PRKG1: variants seen among roughly 807,000 people sequenced by gnomAD.
PRKG1 encodes the protein protein kinase cGMP-dependent 1.
PRKG1 carries 35 observed loss-of-function variants against 88.1 expected under a neutral mutation model. That is an observed-to-expected ratio of 0.40 (90% CI 0.30 to 0.53). PRKG1 has a LOEUF of 0.53. Among genes scored for constraint, PRKG1 ranks in the 20% least tolerant of loss-of-function variants. The pLI is 0.59. For synonymous variants in PRKG1, 303 were observed against 292.5 expected, an observed-to-expected ratio of 1.04 and a Z score of -0.37; for missense variants, 540 against 839.8, an observed-to-expected ratio of 0.64 and a Z score of 4.41.
At chr10:51,417,941 G>T (rs545596721) in intron 2 of PRKG1, among the ~76,000 whole-genome samples, 37 of 152,222 alleles carry the variant, frequency 2.4e-4, no homozygotes, top group Middle Eastern at 3.4e-3. Flanking sequence ...ATGGAACATG[G>T]CAAAGCCCTA....
chr10:51,490,893 T>C (rs1489262691), intron 3 of PRKG1, among the ~76,000 whole-genome samples: 1 of 152,056 alleles, frequency 6.6e-6, no homozygotes, highest in Non-Finnish European at 1.5e-5. Flanking sequence ...ATGGAAATAA[T>C]TTGAGATGCA....
intron 5 of PRKG1, among the ~76,000 whole-genome samples, chr10:51,966,688 G>T (rs2133081082): frequency 6.6e-6 from 1 of 152,200 alleles, no homozygotes; most frequent in Admixed American, 6.5e-5. Flanking sequence ...ATTCTATAGG[G>T]CTCTCTTCAC....
chr10:51,035,837 TTA>T (rs1298520563), intron 1 of PRKG1, among the ~76,000 whole-genome samples: 42 of 152,334 alleles, frequency 2.8e-4, no homozygotes, highest in African/African-American at 9.9e-4. Flanking sequence ...TAACATTCTC[TTA>T]TATGTCTTTC....
In PRKG1 at chr10:51,452,627, C is replaced by A. The variant is rs556163108; in HGVS notation, c.479-15096C>A. On this transcript the variant is annotated intron_variant, in intron 2 of 17. Transcript: ENST00000373980. ...TGCGTATGTGAAACCATCACTGCAT[C>A]CCTGGTATAAAACCCACTTGATCAT... is the stretch of plus-strand genomic sequence containing the variant. Among the ~76,000 whole-genome samples, 20 of 152,058 alleles carry A rather than the reference C, an allele frequency of 1.3e-4. No individual in the cohort carries two copies. The South Asian group carries it at 4.1e-3, about 32-fold the overall frequency.
intron 3 of PRKG1, among the ~76,000 whole-genome samples, chr10:51,480,685 A>G (rs1840329715): frequency 6.6e-6 from 1 of 152,158 alleles, no homozygotes; most frequent in Admixed American, 6.6e-5. Flanking sequence ...TATAAAACAC[A>G]TTTTATTTTT....
Position 51,900,541 on chromosome 10 carries a change from A to C in PRKG1, c.699-6966A>C, listed in dbSNP as rs186680129. On this transcript the variant is annotated intron_variant, in intron 4 of 17. Transcript: ENST00000373980. ...TATGCAAAATTTCCAACATAAAAAA[A>C]TCATATTTCTTAATGTCATATTTCT... Among the ~76,000 whole-genome samples the C allele has an allele frequency of 6.4e-3, 973 of 152,332 alleles. 11 individuals carry two copies. Among genetic ancestry groups the C allele is most frequent in the South Asian group, 0.02 (97 of 4,830 alleles).
chr10:51,797,622 A>G (rs1033330218), intron 3 of PRKG1, among the ~76,000 whole-genome samples: 84 of 148,304 alleles, frequency 5.7e-4, no homozygotes, highest in African/African-American at 2.0e-3. Flanking sequence ...TAAAATACAT[A>G]TGTAATAAAC....
chr10:51,468,579 A>T (rs574853908), intron 3 of PRKG1, among the ~76,000 whole-genome samples: 1 of 151,966 alleles, frequency 6.6e-6, no homozygotes, highest in South Asian at 2.1e-4. Context: ...AACAGAGCTG[A>T]ATTCAAAAGT....
intron 2 of PRKG1, among the ~76,000 whole-genome samples, chr10:51,368,245 G>C (rs1268582571): frequency 2.0e-5 from 3 of 151,968 alleles, no homozygotes; most frequent in Non-Finnish European, 4.4e-5. Context: ...TGAAAAGCAT[G>C]CAGTCTTCAG....
At chr10:51,797,697 T>A (rs987970966) in intron 3 of PRKG1, among the ~76,000 whole-genome samples, 3 of 151,232 alleles carry the variant, frequency 2.0e-5, no homozygotes, top group African/African-American at 7.3e-5. Flanking sequence ...AATCAATCAG[T>A]GCCTTTAAGG....
At position 52,226,171 on chromosome 10, in the gene PRKG1, CAT is replaced by C. The variant is rs1475916345; in HGVS notation, c.1077-25397_1077-25396del. On this transcript the variant is annotated intron_variant, in intron 9 of 17. Transcript: ENST00000373980. Reference sequence around the variant, plus strand: ...TAAAACTGCCTGATTCTGCTGAAAACATAGACAATTTGAATACTGTTTTGATT... The same window carrying C: ...TAAAACTGCCTGATTCTGCTGAAAACAGACAATTTGAATACTGTTTTGATT... Among the ~76,000 whole-genome samples the C allele has an allele frequency of 3.9e-5, 6 of 151,924 alleles. No individual in the cohort carries two copies. The East Asian group carries it at 7.7e-4, about 20-fold the overall frequency.
chr10:51,925,215 T>TTGTC (rs61231059), intron 5 of PRKG1, among the ~76,000 whole-genome samples: 148,668 of 151,390 alleles, frequency 0.98, 73,012 homozygotes, highest in East Asian at 1. Flanking sequence ...TTTTGTCTGT[T>TTGTC]TGGCAAGAAG....
intron 3 of PRKG1, among the ~76,000 whole-genome samples, chr10:51,581,426 G>A (rs1838031732): frequency 6.6e-6 from 1 of 152,086 alleles, no homozygotes; most frequent in Non-Finnish European, 1.5e-5. Flanking sequence ...GCCTAGAATA[G>A]CCATGGCAAG....
chr10:51,989,056 A>G (rs1162735203), intron 5 of PRKG1, among the ~76,000 whole-genome samples: 1 of 152,096 alleles, frequency 6.6e-6, no homozygotes, highest in Non-Finnish European at 1.5e-5. Flanking sequence ...CTTGATCCAC[A>G]TACAGCTAGA....
chr10:51,917,431 T>C (rs1842367554), intron 5 of PRKG1, among the ~76,000 whole-genome samples: 1 of 152,170 alleles, frequency 6.6e-6, no homozygotes, highest in African/African-American at 2.4e-5. Flanking sequence ...CCATTGAATT[T>C]ATTCTTTACA....
At chr10:52,213,751 C>T (rs1306336574) in intron 9 of PRKG1, among the ~76,000 whole-genome samples, 2 of 152,184 alleles carry the variant, frequency 1.3e-5, no homozygotes, top group Non-Finnish European at 2.9e-5. Context: ...TGTGAAAGAA[C>T]ACACCAACCA....
At chr10:51,824,066 C>T (rs889909424) in intron 4 of PRKG1, among the ~76,000 whole-genome samples, 1 of 151,734 alleles carries the variant, frequency 6.6e-6, no homozygotes, top group Admixed American at 6.6e-5. Context: ...TAGAGATGAG[C>T]TTTTGCCATG....
intron 10 of PRKG1, among the ~76,000 whole-genome samples, chr10:52,265,904 C>T (rs1408980330): frequency 1.3e-5 from 2 of 151,778 alleles, no homozygotes; most frequent in African/African-American, 2.4e-5. Context: ...AAACATTTAC[C>T]GATTCTAATT....
chr10:51,752,860 A>G (rs1336231603), intron 3 of PRKG1, among the ~76,000 whole-genome samples: 1 of 152,154 alleles, frequency 6.6e-6, no homozygotes, highest in African/African-American at 2.4e-5. Flanking sequence ...ATATGTATAT[A>G]TATAATATTG....
Sources: allele counts gnomAD v4.1 joint callset (sites outside exome capture counted in the v4.1 genomes callset), GRCh38; gene constraint gnomAD v4.1.1; transcripts MANE v1.5; gene names NCBI Gene and HGNC (gene_info 2026-07-23, HGNC 2026-07-21).